GABRA4: variants seen among roughly 807,000 people sequenced by gnomAD.
The protein encoded by GABRA4 is gamma-aminobutyric acid type A receptor subunit alpha4.
GABRA4 carries 12 observed loss-of-function variants against 49.7 expected under a neutral mutation model. The observed-to-expected ratio is 0.24, with a 90% CI of 0.15 to 0.39. The LOEUF (loss-of-function observed/expected upper bound fraction) is 0.39. GABRA4 is among the 10% of genes least tolerant of loss of function. The probability of loss-of-function intolerance (pLI) is 1.00; values close to 1 mark genes in which losing one functional copy is unlikely to be tolerated. For synonymous variants in GABRA4, 288 were observed against 240.2 expected (o/e 1.20, Z -1.84); for missense variants, 506 against 686.0 (o/e 0.74, Z 2.93).
Position 46,993,491 on chromosome 4 carries a change from G to A in GABRA4, c.-67C>T. ...GCTCTTCAGATGCCCTGAGCAGGGTGCGAGGAGAGGGCAGAGAGGCTCCCG... is the reference window on the plus strand; with the variant it reads ...GCTCTTCAGATGCCCTGAGCAGGGTACGAGGAGAGGGCAGAGAGGCTCCCG... On this transcript the variant is annotated 5_prime_UTR_variant, in exon 1 of 9. Transcript: ENST00000264318. 1.3e-6 allele frequency: 2 copies of A among 1,525,614 alleles called. No homozygotes were observed. The highest frequency in any genetic ancestry group is 2.2e-5 in the South Asian group (2 of 88,956). The allele number at this position is 1,525,614 out of a possible 1,614,324, so 94.5% of individuals were successfully genotyped here. A position where few individuals can be genotyped will look rare whatever the true frequency, so the allele number is the denominator to read the frequency against.
chr4:46,977,161 A>C lies in GABRA4; in HGVS notation c.495-18T>G. 6.7e-7 allele frequency: 1 copy of C among 1,501,064 alleles called. No homozygotes were observed. Among genetic ancestry groups the C allele is most frequent in the Non-Finnish European group, 9.2e-7 (1 of 1,089,574 alleles). The allele number at this position is 1,501,064 out of a possible 1,614,324, so 93.0% of individuals were successfully genotyped here. On this transcript the variant is annotated intron_variant, in intron 4 of 8. Coordinates refer to ENST00000264318, the MANE Select transcript of GABRA4 (RefSeq NM_000809.4). ...TGGTGAGTCTATGATGAAAAATGCA[A>C]TTAAATAAAATCAACCCTTTTAAAG...
chr4:46,992,380 T>C (rs1252162018), intron 2 of GABRA4, among the ~76,000 whole-genome samples: 1 of 152,192 alleles, frequency 6.6e-6, no homozygotes, highest in Admixed American at 6.5e-5. Flanking sequence ...CAGATTTATG[T>C]CCCAGGTAGA....
chr4:46,974,412 T>A (rs770067669), intron 5 of GABRA4, 37 bp from the exon 6 acceptor site: 1 of 1,575,330 alleles, frequency 6.3e-7, no homozygotes, highest in South Asian at 1.2e-5. Context: ...GAGTCAATGC[T>A]CCTTTTTCAT....
At chr4:46,972,326 A>AATAGAAGAC (rs1722977724) in intron 6 of GABRA4, among the ~76,000 whole-genome samples, 1 of 151,702 alleles carries the variant, frequency 6.6e-6, no homozygotes, top group Admixed American at 6.6e-5. Flanking sequence ...AAGCAGTTTT[A>AATAGAAGAC]ATAGAAGAGA....
In GABRA4 at chr4:46,965,296, A is replaced by C; in HGVS notation, c.875-67T>G. ...ATTTGTATTAAAAAGCACCGCCACC[A>C]CCAACAAAAACCTAGAAAATCATGT... On this transcript the variant is annotated intron_variant, in intron 7 of 8. Transcript: ENST00000264318. 3 of 1,281,362 alleles carry C rather than the reference A, an allele frequency of 2.3e-6. No individual in the cohort carries two copies. The South Asian group carries it at 7.1e-5, about 30-fold the overall frequency. The allele number at this position is 1,281,362 out of a possible 1,614,324, so 79.4% of individuals were successfully genotyped here.
chr4:46,954,300 T>C (rs1560470482), intron 8 of GABRA4, among the ~76,000 whole-genome samples: 1 of 152,118 alleles, frequency 6.6e-6, no homozygotes, highest in Non-Finnish European at 1.5e-5. Flanking sequence ...CTCATTCCTG[T>C]AATCCCAGCA....
chr4:46,974,063 A>G (rs1273943342), intron 6 of GABRA4, among the ~76,000 whole-genome samples, 169 bp downstream of exon 6: 1 of 151,936 alleles, frequency 6.6e-6, no homozygotes, highest in East Asian at 1.9e-4. Flanking sequence ...AAACTAAAGT[A>G]AGATTATAAA....
At chr4:46,966,065 AG>A (rs1722741629) in intron 7 of GABRA4, among the ~76,000 whole-genome samples, 1 of 151,296 alleles carries the variant, frequency 6.6e-6, no homozygotes, top group Middle Eastern at 3.2e-3. Flanking sequence ...TCCCACTCTT[AG>A]CAGAAAAATT....
intron 8 of GABRA4, among the ~76,000 whole-genome samples, chr4:46,959,916 G>A (rs777580067): frequency 3.3e-5 from 5 of 150,716 alleles, no homozygotes; most frequent in Non-Finnish European, 5.9e-5. Flanking sequence ...CTGGCATTGA[G>A]GAGTGTTAGT....
chr4:46,972,838 A>T (rs577662591), intron 6 of GABRA4, among the ~76,000 whole-genome samples: 1 of 151,702 alleles, frequency 6.6e-6, no homozygotes, highest in East Asian at 1.9e-4. Context: ...ATCCCTTCAC[A>T]ACACTGCTTT....
At chr4:46,955,077 C>T (rs1346826489) in intron 8 of GABRA4, among the ~76,000 whole-genome samples, 1 of 152,130 alleles carries the variant, frequency 6.6e-6, no homozygotes. Flanking sequence ...ATGCTGCTCT[C>T]TAAATTCTAT....
At chr4:46,958,787 CT>C (rs1316617870) in intron 8 of GABRA4, among the ~76,000 whole-genome samples, 1 of 151,902 alleles carries the variant, frequency 6.6e-6, no homozygotes, top group Non-Finnish European at 1.5e-5. Context: ...CACCATAAGC[CT>C]GTGCCAGGTT....
At position 46,928,693 on chromosome 4, in the gene GABRA4, A is replaced by G. The variant is rs761651388; in HGVS notation, c.1197T>C (p.Asp399=). The part of the protein sequence containing the change: ...RTNALVHSES[D]VGNRTEVGNH... ...TTCCCACCTCAGTTCTGTTGCCAACATCAGATTCAGAGTGAACCAAAGCAT... is the reference window on the plus strand; with the variant it reads ...TTCCCACCTCAGTTCTGTTGCCAACGTCAGATTCAGAGTGAACCAAAGCAT... The change falls in exon 9 of 9, where the codon GAT becomes GAC. Residue 399 remains aspartate, a synonymous_variant. Transcript: ENST00000264318. The G allele has an allele frequency of 6.8e-6, 11 of 1,613,362 alleles. No homozygotes were observed. Among genetic ancestry groups the G allele is most frequent in the Admixed American group, 1.7e-5 (1 of 59,912 alleles).
chr4:46,966,153 T>A (rs1413423683), intron 7 of GABRA4, among the ~76,000 whole-genome samples: 3 of 151,800 alleles, frequency 2.0e-5, no homozygotes, highest in Non-Finnish European at 4.4e-5. Context: ...TTTCTGCATC[T>A]ATATATGTCT....
chr4:46,977,345 G>A (rs1428352811), intron 4 of GABRA4, 65 bp downstream of exon 4: 8 of 909,342 alleles, frequency 8.8e-6, no homozygotes, highest in African/African-American at 1.8e-5. Context: ...AGGAAGGAAG[G>A]AAGAAAGGAA....
rs1206490817 is a variant in GABRA4, at chr4:46,927,388, G to C, written c.*837C>G. The C allele has an allele frequency of 6.6e-6, 1 of 152,442 alleles. No individual in the cohort carries two copies. Among genetic ancestry groups the C allele is most frequent in the African/African-American group, 2.4e-5 (1 of 41,428 alleles). The allele number at this position is 152,442 out of a possible 1,614,324, so 9.4% of individuals were successfully genotyped here. A position where few individuals can be genotyped will look rare whatever the true frequency, so the allele number is the denominator to read the frequency against. On this transcript the variant is annotated 3_prime_UTR_variant, in exon 9 of 9. Transcript: ENST00000264318. ...TTCACTAAAGAATGCAATGTCCTCT[G>C]CTAGTTTATGGTTCTTTGGCATGCA...
chr4:46,956,107 G>A (rs140267332), intron 8 of GABRA4, among the ~76,000 whole-genome samples: 26 of 152,194 alleles, frequency 1.7e-4, no homozygotes, highest in Admixed American at 1.4e-3. Flanking sequence ...ATACAATTTA[G>A]TAATTGTGCA....
intron 8 of GABRA4, among the ~76,000 whole-genome samples, chr4:46,935,350 A>G (rs1334059760): frequency 1.6e-4 from 25 of 152,206 alleles, no homozygotes; most frequent in Non-Finnish European, 2.9e-5. Flanking sequence ...TAATAAATAT[A>G]TAAGATAATG....
At chr4:46,980,169 C>G (rs1723299584) in intron 2 of GABRA4, among the ~76,000 whole-genome samples, 1 of 152,046 alleles carries the variant, frequency 6.6e-6, no homozygotes, top group Admixed American at 6.6e-5. Context: ...TCAATAATGA[C>G]AGTAGTCATT....
Sources: gnomAD v4.1 joint callset for allele counts (sites outside exome capture counted in the v4.1 genomes callset) on GRCh38, gnomAD v4.1.1 for gene constraint, MANE v1.5 for transcripts, NCBI Gene and HGNC (gene_info 2026-07-23, HGNC 2026-07-21) for gene names.